Variants in ZNF600 observed in about 807,000 individuals in gnomAD.
ZNF600 encodes the protein zinc finger protein 600.
In ZNF600, 4 loss-of-function variants were observed where a neutral mutation model predicts 7.3. That is an observed-to-expected ratio of 0.55 (90% CI 0.27 to 1.25). The LOEUF (loss-of-function observed/expected upper bound fraction) is 1.25, where lower values mean the gene tolerates loss of function less well. Ranked by LOEUF, ZNF600 falls within the 50% of genes most tolerant of loss-of-function variation. The probability of loss-of-function intolerance (pLI) is 0.12; values close to 1 mark genes in which losing one functional copy is unlikely to be tolerated. For synonymous variants in ZNF600, 290 were observed against 308.9 expected, an observed-to-expected ratio of 0.94 and a Z score of 0.64; for missense variants, 911 against 922.1, an observed-to-expected ratio of 0.99 and a Z score of 0.16.
chr19:52,824,634 C>CA, the ZNF600 span, among the ~76,000 whole-genome samples: 92 of 151,116 alleles, frequency 6.1e-4, no homozygotes, highest in African/African-American at 2.0e-3. Context: ...GACTCCATCT[C>CA]AAAAAAAAGA....
chr19:52,799,437 TA>T, the ZNF600 span: 1 of 759,152 alleles, frequency 1.3e-6, no homozygotes, highest in Admixed American at 2.7e-5. Flanking sequence ...TTCCTATTTG[TA>T]AAGTTTCTCT....
the ZNF600 span, among the ~76,000 whole-genome samples, chr19:52,803,739 G>C: frequency 6.6e-6 from 1 of 152,072 alleles, no homozygotes; most frequent in Non-Finnish European, 1.5e-5. Flanking sequence ...GGCTGAGGCA[G>C]GTAAATCAGG....
intron 3 of ZNF600, among the ~76,000 whole-genome samples, chr19:52,774,353 T>G (rs531871803): frequency 1.3e-5 from 2 of 150,542 alleles, no homozygotes; most frequent in African/African-American, 4.9e-5. Context: ...TGCTTGAACC[T>G]GGGAGGCAGA....
chr19:52,817,928 G>C, the ZNF600 span: 1 of 1,610,062 alleles, frequency 6.2e-7, no homozygotes, highest in Non-Finnish European at 8.5e-7. Context: ...GCAATCCACC[G>C]AGAATACCAT....
the ZNF600 span, among the ~76,000 whole-genome samples, chr19:52,827,442 A>G: frequency 7.2e-5 from 11 of 152,184 alleles, no homozygotes; most frequent in East Asian, 2.1e-3. Flanking sequence ...GTGCCTGAAC[A>G]ATCCCAGCTG....
chr19:52,830,159 G>T, the ZNF600 span, among the ~76,000 whole-genome samples: 20 of 152,056 alleles, frequency 1.3e-4, no homozygotes, highest in Non-Finnish European at 2.8e-4. Flanking sequence ...TGTAATCCCA[G>T]CTACTTGGGA....
At chr19:52,784,468 C>A (rs2062748574) in intron 1 of ZNF600, among the ~76,000 whole-genome samples, 1 of 151,654 alleles carries the variant, frequency 6.6e-6, no homozygotes, top group South Asian at 2.1e-4. Context: ...TTTTTTTTCC[C>A]CCACATCACT....
At chr19:52,765,799 G>C (rs2062566118) in exon 4 of ZNF600, 1 of 1,613,854 alleles carries the variant, frequency 6.2e-7, no homozygotes, top group Non-Finnish European at 8.5e-7. Context: ...TGTCTTTTAA[G>C]GTGTGATTTG....
chr19:52,810,886 CCTCCCCCTCCCCCTCCCTCTCCCT>C, the ZNF600 span, among the ~76,000 whole-genome samples: 51 of 36,998 alleles, frequency 1.4e-3, no homozygotes, highest in Admixed American at 2.5e-3. Flanking sequence ...TCCCCCTCCC[CCTCCCCCTCCCCCTCCCTCTCCCT>C]CTCCCTCCAC....
chr19:52,774,862 A>G (rs59404092), intron 2 of ZNF600, among the ~76,000 whole-genome samples, 161 bp from the exon 5 acceptor site: 5,445 of 152,282 alleles, frequency 0.036, 277 homozygotes, highest in African/African-American at 0.12. Flanking sequence ...ATTTTATTGT[A>G]CTTTTCTTTG....
chr19:52,788,643 G>A (rs142304741), upstream of ZNF600, among the ~76,000 whole-genome samples: 471 of 152,190 alleles, frequency 3.1e-3, 3 homozygotes, highest in African/African-American at 0.011. Flanking sequence ...CCACACACAC[G>A]CTGCAGCAGG....
At chr19:52,796,106 T>G in the ZNF600 span, among the ~76,000 whole-genome samples, 2 of 152,018 alleles carry the variant, frequency 1.3e-5, no homozygotes, top group East Asian at 3.9e-4. Context: ...ACCCAGGAGG[T>G]TGAAGCTGCA....
intron 2 of ZNF600, among the ~76,000 whole-genome samples, chr19:52,775,423 G>C (rs1020117495): frequency 6.6e-6 from 1 of 150,504 alleles, no homozygotes; most frequent in Non-Finnish European, 1.5e-5. Context: ...CGTGGTGCAG[G>C]CCTGTACTCC....
intron 1 of ZNF600, 50 bp downstream of exon 2, chr19:52,781,267 A>G (rs901579189): frequency 3.3e-5 from 5 of 151,722 alleles, no homozygotes; most frequent in African/African-American, 7.3e-5. Context: ...TTTGTCAGTC[A>G]TTTCAGGGGT....
intron 1 of ZNF600, among the ~76,000 whole-genome samples, chr19:52,784,218 G>A (rs1403115028): frequency 6.6e-6 from 1 of 150,658 alleles, no homozygotes; most frequent in African/African-American, 2.5e-5. Flanking sequence ...CTGAAACCCT[G>A]TTTCTACAAA....
chr19:52,812,137 G>T, the ZNF600 span, among the ~76,000 whole-genome samples: 10 of 122,610 alleles, frequency 8.2e-5, no homozygotes, highest in Non-Finnish European at 1.6e-4. Flanking sequence ...GTCCGGGAGG[G>T]TGGTGGGGGG....
chr19:52,777,581 C>G (rs1282316216), intron 2 of ZNF600, among the ~76,000 whole-genome samples: 1 of 152,096 alleles, frequency 6.6e-6, no homozygotes, highest in Non-Finnish European at 1.5e-5. Flanking sequence ...CCTTTAATCC[C>G]AGCACTTTGG....
rs547842152 is a variant in ZNF600 at position 52,774,698 on chromosome 19, G to A, written c.67C>T (p.Arg23Cys). 37 of 985,358 alleles carry A rather than the reference G, an allele frequency of 3.8e-5. No individual in the cohort carries two copies. In the Admixed American group the frequency reaches 9.2e-4, roughly 25 times the overall value. The allele number at this position is 985,358 out of a possible 1,614,324, so 61.0% of individuals were successfully genotyped here. Residue 23 changes from arginine to cysteine, a missense_variant, in exon 3 of 4, where the codon CGC (arginine) becomes TGC (cysteine). Coordinates refer to ENST00000648973, the Ensembl canonical transcript of ZNF600. ...ATAGCCACATCCCTGAAAGTCAAGCGTCCCTAAAATGAAACACACATTTCC... is the reference window on the plus strand; with the variant it reads ...ATAGCCACATCCCTGAAAGTCAAGCATCCCTAAAATGAAACACACATTTCC...
chr19:52,829,087 A>AT, the ZNF600 span, among the ~76,000 whole-genome samples: 1 of 152,164 alleles, frequency 6.6e-6, no homozygotes, highest in South Asian at 2.1e-4. Context: ...GATGGTCTTC[A>AT]TCTCCTGACC....
Sources: allele counts gnomAD v4.1 joint callset (sites outside exome capture counted in the v4.1 genomes callset), GRCh38; gene constraint gnomAD v4.1.1; transcripts MANE v1.5; gene names NCBI Gene and HGNC (gene_info 2026-07-23, HGNC 2026-07-21).